Variants in THSD7B observed in about 807,000 individuals in gnomAD.
The protein encoded by THSD7B is thrombospondin type 1 domain containing 7B.
A neutral mutation model predicts 213.6 loss-of-function variants in THSD7B; 138 were observed. That is an observed-to-expected ratio of 0.65 (90% confidence interval 0.56 to 0.74). THSD7B has a LOEUF of 0.74. Ranked by LOEUF, THSD7B falls within the 30% of genes least tolerant of loss-of-function variation. The probability of loss-of-function intolerance (pLI) is 0.00; values close to 1 mark genes in which losing one functional copy is unlikely to be tolerated. For synonymous variants in THSD7B, 742 were observed against 687.0 expected, an observed-to-expected ratio of 1.08 and a Z score of -1.25; for missense variants, 1,931 against 1,991.5, an observed-to-expected ratio of 0.97 and a Z score of 0.58.
intron 1 of THSD7B, among the ~76,000 whole-genome samples, chr2:136,807,528 G>C (rs1682304978): frequency 6.1e-5 from 1 of 16,322 alleles, no homozygotes; most frequent in African/African-American, 4.0e-4. Flanking sequence ...TTTTTTTTGA[G>C]ACGGAGTCTT....
chr2:137,572,628 A>T, intron 17 of THSD7B, 72 bp downstream of exon 17: 1 of 1,516,462 alleles, frequency 6.6e-7, no homozygotes, highest in Non-Finnish European at 9.0e-7. Context: ...GTGCATTCAC[A>T]GTGCTAGTCT....
chr2:136,960,754 T>C (rs762112263), intron 2 of THSD7B, among the ~76,000 whole-genome samples: 10 of 151,936 alleles, frequency 6.6e-5, no homozygotes, highest in Non-Finnish European at 1.2e-4. Flanking sequence ...GAACAGAGGA[T>C]GATGTGGACT....
chr2:137,317,384 A>G (rs1684139900), intron 12 of THSD7B, among the ~76,000 whole-genome samples: 1 of 152,222 alleles, frequency 6.6e-6, no homozygotes, highest in Non-Finnish European at 1.5e-5. Context: ...CACGTTCTGC[A>G]ATTACCTAAC....
intron 15 of THSD7B, among the ~76,000 whole-genome samples, chr2:137,491,839 G>C (rs1358761280): frequency 6.6e-6 from 1 of 152,164 alleles, no homozygotes; most frequent in Admixed American, 6.5e-5. Flanking sequence ...GAATTAAATT[G>C]TTCCTAGTTT....
chr2:136,937,935 A>G (rs1304428180), intron 2 of THSD7B, among the ~76,000 whole-genome samples: 1 of 152,206 alleles, frequency 6.6e-6, no homozygotes, highest in Non-Finnish European at 1.5e-5. Flanking sequence ...GTAGGTTCAT[A>G]CCACATGAGT....
intron 15 of THSD7B, among the ~76,000 whole-genome samples, chr2:137,491,386 CTA>C (rs2105122576): frequency 6.6e-6 from 1 of 152,190 alleles, no homozygotes; most frequent in East Asian, 1.9e-4. Flanking sequence ...GGTACTATTA[CTA>C]TGTTTTTGAT....
At chr2:137,111,700 A>G (rs962269605) in intron 4 of THSD7B, among the ~76,000 whole-genome samples, 1 of 152,154 alleles carries the variant, frequency 6.6e-6, no homozygotes, top group African/African-American at 2.4e-5. Context: ...TAGTAGTCCA[A>G]ACAAATTAAT....
At chr2:137,340,517 G>A (rs928769334) in intron 12 of THSD7B, among the ~76,000 whole-genome samples, 2 of 151,684 alleles carry the variant, frequency 1.3e-5, no homozygotes, top group African/African-American at 4.8e-5. Context: ...TGTGCAAAAG[G>A]TCTGAAAAAG....
chr2:137,372,804 G>A (rs996093659), intron 12 of THSD7B, among the ~76,000 whole-genome samples: 6 of 151,230 alleles, frequency 4.0e-5, no homozygotes, highest in East Asian at 2.0e-4. Flanking sequence ...CCATTAACTC[G>A]TCATTTAGCA....
intron 1 of THSD7B, among the ~76,000 whole-genome samples, chr2:136,816,661 A>G (rs1682479720): frequency 1.3e-5 from 2 of 152,234 alleles, no homozygotes; most frequent in African/African-American, 4.8e-5. Flanking sequence ...AAGAATATAC[A>G]TATTTGTAAG....
intron 2 of THSD7B, among the ~76,000 whole-genome samples, chr2:137,022,052 C>G (rs1460407917): frequency 1.3e-5 from 2 of 152,162 alleles, no homozygotes; most frequent in Admixed American, 1.3e-4. Context: ...GAGCAATTAA[C>G]CATGGTAGAG....
chr2:137,614,083 T>A (rs1682337523), intron 17 of THSD7B, among the ~76,000 whole-genome samples: 4 of 152,162 alleles, frequency 2.6e-5, no homozygotes, highest in Admixed American at 2.6e-4. Context: ...TGCCTGTTTC[T>A]ATGGGAAGAA....
Position 137,411,701 on chromosome 2 carries a change from C to A in THSD7B, c.2788C>A (p.Pro930Thr), listed in dbSNP as rs1309150084. 1 of 1,613,846 alleles carries A rather than the reference C, an allele frequency of 6.2e-7. No homozygotes were observed. The change falls in exon 14 of 28, where the codon CCT becomes ACT. Residue 930 changes from proline (P) to threonine (T), a missense_variant. Physicochemically the swap from Pro to Thr is conservative, Grantham distance 38. Coordinates refer to ENST00000409968, the MANE Select transcript of THSD7B (RefSeq NM_001316349.2). The stretch of plus-strand genomic sequence containing the variant: ...TCCTTGTGATGAATTTATATCCCAA[C>A]CTTATGGAAACTGGTCAGATTGCAT... ...LCPCDEFISQ[P>T]YGNWSDCILP...
At chr2:137,010,145 T>G (rs1302095638) in intron 2 of THSD7B, among the ~76,000 whole-genome samples, 1 of 152,130 alleles carries the variant, frequency 6.6e-6, no homozygotes, top group Non-Finnish European at 1.5e-5. Flanking sequence ...CATCTTCAAT[T>G]GATTTTGATT....
At chr2:136,816,259 AG>A (rs773177301) in intron 1 of THSD7B, among the ~76,000 whole-genome samples, 23 of 152,182 alleles carry the variant, frequency 1.5e-4, no homozygotes, top group Non-Finnish European at 2.4e-4. Flanking sequence ...GAGTTTATTC[AG>A]TCAGCTATTA....
At chr2:137,473,852 C>A (rs1424405291) in intron 15 of THSD7B, among the ~76,000 whole-genome samples, 3 of 152,178 alleles carry the variant, frequency 2.0e-5, no homozygotes, top group Admixed American at 6.5e-5. Context: ...GCTCCTCAGG[C>A]ATTCTACAAA....
chr2:137,491,338 G>A (rs1688602339), intron 15 of THSD7B, among the ~76,000 whole-genome samples: 1 of 152,188 alleles, frequency 6.6e-6, no homozygotes, highest in Non-Finnish European at 1.5e-5. Context: ...TCATGGAAAA[G>A]ACTATCAGGA....
At chr2:137,537,449 A>G (rs748849288) in intron 15 of THSD7B, among the ~76,000 whole-genome samples, 2 of 151,728 alleles carry the variant, frequency 1.3e-5, no homozygotes, top group Admixed American at 1.3e-4. Flanking sequence ...TGAAATAGTG[A>G]TAGTTAATCT....
At chr2:136,932,969 T>G (rs1684655939) in intron 2 of THSD7B, among the ~76,000 whole-genome samples, 1 of 152,156 alleles carries the variant, frequency 6.6e-6, no homozygotes, top group South Asian at 2.1e-4. Flanking sequence ...TTGGTGCAGA[T>G]AAAGCATGGG....
Sources: gnomAD v4.1 joint callset for allele counts (sites outside exome capture counted in the v4.1 genomes callset) on GRCh38, gnomAD v4.1.1 for gene constraint, MANE v1.5 for transcripts, NCBI Gene and HGNC (gene_info 2026-07-23, HGNC 2026-07-21) for gene names.